The following ZNF385D variants were observed in gnomAD, a reference collection of about 807,000 sequenced individuals.
ZNF385D encodes zinc finger protein 385D, also known as zinc finger protein 659.
Under a neutral mutation model 35.8 loss-of-function variants are expected in ZNF385D, and 15 were observed. The observed-to-expected ratio is 0.42, with a 90% CI of 0.28 to 0.64. ZNF385D has a LOEUF of 0.64. ZNF385D is among the 30% of genes least tolerant of loss of function. The pLI, the probability that ZNF385D is intolerant of heterozygous loss-of-function variation, is 0.23. For missense variants in ZNF385D, 474 were observed against 494.6 expected (o/e 0.96, Z 0.39); for synonymous variants, 212 against 186.8 (o/e 1.13, Z -1.10).
intron 2 of ZNF385D, among the ~76,000 whole-genome samples, chr3:21,621,793 C>G (rs905524027): frequency 2.6e-5 from 4 of 151,010 alleles, no homozygotes; most frequent in Admixed American, 6.6e-5. Flanking sequence ...ACAAAAAGCT[C>G]CCCATTTGAT....
intron 2 of ZNF385D, among the ~76,000 whole-genome samples, chr3:22,266,486 G>A (rs1700902857): frequency 2.0e-5 from 3 of 151,846 alleles, no homozygotes; most frequent in South Asian, 4.2e-4. Context: ...TATTTAGCTT[G>A]AAGAAGCTAC....
At chr3:21,517,192 A>T (rs1321525817) in intron 3 of ZNF385D, among the ~76,000 whole-genome samples, 1 of 152,062 alleles carries the variant, frequency 6.6e-6, no homozygotes, top group Non-Finnish European at 1.5e-5. Context: ...TAAACTGCTG[A>T]CCCCTCAAAG....
chr3:22,220,314 T>C (rs1698174860), intron 2 of ZNF385D, among the ~76,000 whole-genome samples: 1 of 152,054 alleles, frequency 6.6e-6, no homozygotes, highest in South Asian at 2.1e-4. Context: ...ATTTTACAAC[T>C]TCTGCTTCTG....
intron 2 of ZNF385D, among the ~76,000 whole-genome samples, chr3:21,587,449 C>T (rs2063844639): frequency 6.6e-6 from 1 of 152,144 alleles, no homozygotes; most frequent in Admixed American, 6.6e-5. Context: ...GCCCCAGGCT[C>T]ATTCTTCTCA....
chr3:22,163,703 T>C (rs1706120138), intron 3 of ZNF385D, among the ~76,000 whole-genome samples: 1 of 152,218 alleles, frequency 6.6e-6, no homozygotes, highest in Non-Finnish European at 1.5e-5. Flanking sequence ...AAAGTACCTG[T>C]TTGGATAAAT....
chr3:21,971,042 G>C (rs2125340723), intron 3 of ZNF385D, among the ~76,000 whole-genome samples: 1 of 152,124 alleles, frequency 6.6e-6, no homozygotes, highest in African/African-American at 2.4e-5. Flanking sequence ...ATCAACACGA[G>C]ACCTGTCCTA....
chr3:21,722,443 A>C (rs1298175395), intron 1 of ZNF385D, among the ~76,000 whole-genome samples: 1 of 152,082 alleles, frequency 6.6e-6, no homozygotes, highest in African/African-American at 2.4e-5. Flanking sequence ...TGCTCTTCTC[A>C]TGGCCAAGAA....
chr3:21,587,723 A>AG (rs144402864), intron 2 of ZNF385D, among the ~76,000 whole-genome samples: 8,863 of 152,204 alleles, frequency 0.058, 528 homozygotes, highest in African/African-American at 0.15. Flanking sequence ...ATGATATGTA[A>AG]CAGACTTTGA....
In ZNF385D at chr3:22,322,968, G is replaced by A. The variant is rs183941339; in HGVS notation, c.106+49482C>T. Among the ~76,000 whole-genome samples the A allele has an allele frequency of 7.2e-5, 11 of 152,166 alleles. 1 individual carries two copies. Among genetic ancestry groups the A allele is most frequent in the Admixed American group, 4.6e-4 (7 of 15,284 alleles). On this transcript the variant is annotated intron_variant, in intron 2 of 5. Transcript: ENST00000494108. ...ATGGCACCTTAAATGGATTTTTATT[G>A]TTCTGTTTTGTCTCTTTGGGATCTG...
chr3:21,768,867 A>G (rs977360853), intron 3 of ZNF385D, among the ~76,000 whole-genome samples: 1 of 151,824 alleles, frequency 6.6e-6, no homozygotes, highest in Non-Finnish European at 1.5e-5. Flanking sequence ...TGATTATTCT[A>G]TATTTCTTCT....
At chr3:21,902,821 A>C (rs775633864) in intron 3 of ZNF385D, among the ~76,000 whole-genome samples, 19 of 152,214 alleles carry the variant, frequency 1.2e-4, no homozygotes, top group Admixed American at 2.6e-4. Flanking sequence ...CATTGTGTAC[A>C]TGTACCCTAA....
In ZNF385D at chr3:21,620,657, C is replaced by G. The variant is rs533666722; in HGVS notation, c.165+44229G>C. On this transcript the variant is annotated intron_variant, in intron 2 of 7. Coordinates refer to ENST00000281523, the MANE Select transcript of ZNF385D (RefSeq NM_024697.3). ...CTAAGGGCATTCTCATTTGAATGCC[C>G]TTAATCTATTTGATTCTGAGTTTCA... 3.3e-5 allele frequency among the ~76,000 whole-genome samples: 5 copies of G among 152,196 alleles called. No individual in the cohort carries two copies. In the South Asian group the frequency reaches 1.0e-3, roughly 32 times the overall value.
chr3:21,870,745 C>G (rs1051727017), intron 3 of ZNF385D, among the ~76,000 whole-genome samples: 1 of 151,804 alleles, frequency 6.6e-6, no homozygotes, highest in Non-Finnish European at 1.5e-5. Flanking sequence ...GTATGTACAC[C>G]CCATTTCTGC....
chr3:21,558,053 G>A (rs2062803003), intron 3 of ZNF385D, among the ~76,000 whole-genome samples: 1 of 150,076 alleles, frequency 6.7e-6, no homozygotes, highest in Admixed American at 6.6e-5. Flanking sequence ...TTCTTTATTA[G>A]TCTGGCTAGC....
intron 4 of ZNF385D, among the ~76,000 whole-genome samples, chr3:21,454,441 T>A (rs1473245578): frequency 6.6e-6 from 1 of 152,268 alleles, no homozygotes; most frequent in South Asian, 2.1e-4. Flanking sequence ...TTGCTGACTT[T>A]ATCTTTTTCT....
chr3:22,089,563 C>T (rs2695641), intron 3 of ZNF385D, among the ~76,000 whole-genome samples: 96,366 of 151,952 alleles, frequency 0.63, 31,001 homozygotes, highest in Middle Eastern at 0.68. Flanking sequence ...CAGCAGCACA[C>T]AGTAACTCCC....
chr3:22,076,919 G>GA (rs936262179), intron 3 of ZNF385D, among the ~76,000 whole-genome samples: 12 of 151,614 alleles, frequency 7.9e-5, no homozygotes, highest in African/African-American at 2.9e-4. Flanking sequence ...ATGAACATGT[G>GA]AAAAAAACAC....
chr3:22,169,929 G>C (rs1161540649), intron 2 of ZNF385D, among the ~76,000 whole-genome samples: 2 of 152,172 alleles, frequency 1.3e-5, no homozygotes, highest in Non-Finnish European at 2.9e-5. Context: ...TAAGTAGCTG[G>C]AACTACAGGT....
At chr3:22,016,455 T>G (rs955807763) in intron 3 of ZNF385D, among the ~76,000 whole-genome samples, 1 of 152,100 alleles carries the variant, frequency 6.6e-6, no homozygotes, top group Non-Finnish European at 1.5e-5. Context: ...ACTATTTCTA[T>G]TTATCCTTTC....
Sources: allele counts gnomAD v4.1 joint callset (sites outside exome capture counted in the v4.1 genomes callset), GRCh38; gene constraint gnomAD v4.1.1; transcripts MANE v1.5; gene names NCBI Gene and HGNC (gene_info 2026-07-23, HGNC 2026-07-21).